Variants in RBPMS observed in about 807,000 individuals in gnomAD.
RBPMS encodes RNA-binding protein with multiple splicing.
Under a neutral mutation model 26.8 loss-of-function variants are expected in RBPMS, and 7 were observed. The observed-to-expected ratio is 0.26, with a 90% confidence interval of 0.15 to 0.49. The LOEUF is 0.49. Among genes scored for constraint, RBPMS ranks in the 20% least tolerant of loss-of-function variants. RBPMS has a pLI of 0.98. For missense variants in RBPMS, 186 were observed against 250.0 expected (o/e 0.74, Z 1.73); for synonymous variants, 96 against 93.3 (o/e 1.03, Z -0.17).
At chr8:30,493,202 C>A (rs1290437181) in intron 4 of RBPMS, among the ~76,000 whole-genome samples, 4 of 152,232 alleles carry the variant, frequency 2.6e-5, no homozygotes, top group African/African-American at 9.6e-5. Flanking sequence ...AGGTTTTCCC[C>A]AAATCACCCC....
chr8:30,548,309 T>G (rs920801436), intron 6 of RBPMS, among the ~76,000 whole-genome samples: 1 of 151,108 alleles, frequency 6.6e-6, no homozygotes, highest in African/African-American at 2.4e-5. Context: ...TTCAGTCTTG[T>G]TGTGATGGGC....
chr8:30,569,274 A>AG (rs917965643), intron 8 of RBPMS, among the ~76,000 whole-genome samples: 1 of 152,138 alleles, frequency 6.6e-6, no homozygotes, highest in African/African-American at 2.4e-5. Context: ...GTCTGAATGG[A>AG]GGGTTTGCAT....
At chr8:30,554,823 C>T (rs904840791) in intron 6 of RBPMS, among the ~76,000 whole-genome samples, 9 of 152,182 alleles carry the variant, frequency 5.9e-5, no homozygotes, top group Admixed American at 4.6e-4. Context: ...TTGAGCCAGT[C>T]ACCTGCTAAG....
chr8:30,545,488 T>A (rs1043224437), intron 6 of RBPMS: 15 of 968,010 alleles, frequency 1.5e-5, no homozygotes, highest in Non-Finnish European at 1.8e-5. Context: ...GTTTCATTTG[T>A]CTTTCTGCAT....
intron 4 of RBPMS, among the ~76,000 whole-genome samples, chr8:30,488,384 G>GA (rs1819019026): frequency 6.6e-6 from 1 of 152,168 alleles, no homozygotes; most frequent in African/African-American, 2.4e-5. Context: ...TATTCACTTA[G>GA]AAGTCAGATG....
At position 30,384,801 on chromosome 8, in the gene RBPMS, G is replaced by T; in HGVS notation, c.-292G>T. 1 of 285,556 alleles carries T rather than the reference G, an allele frequency of 3.5e-6. No individual in the cohort carries two copies. Among genetic ancestry groups the T allele is most frequent in the Non-Finnish European group, 6.5e-6 (1 of 154,854 alleles). The allele number at this position is 285,556 out of a possible 1,614,324, so 17.7% of individuals were successfully genotyped here. Reference sequence around the variant, plus strand: ...CCCTGGCTCCCGCCCTCCCTCTCCAGGTCGCCCTCCCGGGGCCCGATTGTC... The same window carrying T: ...CCCTGGCTCCCGCCCTCCCTCTCCATGTCGCCCTCCCGGGGCCCGATTGTC... On this transcript the variant is annotated 5_prime_UTR_variant, in exon 1 of 9. It adds an upstream start codon to the 5' untranslated region. Coordinates refer to ENST00000397323, the MANE Select transcript of RBPMS (RefSeq NM_001008710.3). This position sits in a 1 kb window ranked among gnomAD's most constrained non-coding sequence, Gnocchi z 5.6.
chr8:30,491,903 C>T (rs1819438831), intron 4 of RBPMS, among the ~76,000 whole-genome samples: 1 of 152,132 alleles, frequency 6.6e-6, no homozygotes, highest in Non-Finnish European at 1.5e-5. Context: ...ACCCCCACCC[C>T]TCCCCCAATG....
chr8:30,387,804 A>G (rs1004944710), intron 1 of RBPMS, among the ~76,000 whole-genome samples: 2 of 152,170 alleles, frequency 1.3e-5, no homozygotes, highest in African/African-American at 2.4e-5. Context: ...TCTATCAATC[A>G]GTGTATTTTA....
intron 1 of RBPMS, among the ~76,000 whole-genome samples, chr8:30,392,612 T>C (rs1232620835): frequency 1.3e-5 from 2 of 152,104 alleles, no homozygotes; most frequent in Non-Finnish European, 2.9e-5. Context: ...TGCAGTGAGG[T>C]TTCTGCTGCA....
intron 7 of RBPMS, among the ~76,000 whole-genome samples, chr8:30,562,464 C>T (rs1243416593): frequency 6.6e-6 from 1 of 152,104 alleles, no homozygotes; most frequent in Non-Finnish European, 1.5e-5. Flanking sequence ...ATAATGGTGC[C>T]CGTTACTCCT....
chr8:30,567,427 C>T (rs1475589741), intron 8 of RBPMS, among the ~76,000 whole-genome samples: 2 of 152,220 alleles, frequency 1.3e-5, no homozygotes, highest in African/African-American at 2.4e-5. Context: ...CTAACCCAAG[C>T]TTTTTTCACA....
chr8:30,438,942 T>A (rs532337260), intron 1 of RBPMS, among the ~76,000 whole-genome samples: 3 of 152,234 alleles, frequency 2.0e-5, no homozygotes, highest in East Asian at 3.9e-4. Flanking sequence ...CCCGGCTAAT[T>A]TTTGTATTTT....
chr8:30,436,150 G>T lies in RBPMS; in HGVS notation c.67-38629G>T, dbSNP rs542639075. Among the ~76,000 whole-genome samples, 58 of 152,256 alleles carry T rather than the reference G, an allele frequency of 3.8e-4. 1 individual carries two copies. The highest frequency in any genetic ancestry group is 5.1e-4 in the Non-Finnish European group (35 of 68,010). The stretch of plus-strand genomic sequence containing the variant: ...TGAAGAAAACAATTGTCTTTTCTCA[G>T]AGTAATGACATCAGCCTCCTCCTTT... On this transcript the variant is annotated intron_variant, in intron 1 of 8. Transcript: ENST00000397323.
intron 1 of RBPMS, among the ~76,000 whole-genome samples, chr8:30,468,328 C>T (rs1040938124): frequency 6.6e-6 from 1 of 151,814 alleles, no homozygotes; most frequent in African/African-American, 2.4e-5. Context: ...ATTTTTTTTG[C>T]ACTTTCTCTT....
chr8:30,490,381 C>A (rs963886168), intron 4 of RBPMS, among the ~76,000 whole-genome samples: 1 of 152,170 alleles, frequency 6.6e-6, no homozygotes, highest in Non-Finnish European at 1.5e-5. Context: ...ATCTCTGTTT[C>A]GAAGACCCAA....
intron 2 of RBPMS, among the ~76,000 whole-genome samples, chr8:30,476,959 G>C (rs1198301391): frequency 1.3e-5 from 2 of 152,116 alleles, no homozygotes; most frequent in Admixed American, 6.5e-5. Context: ...ATGAAAACTG[G>C]TTCCTTCAGT....
intron 6 of RBPMS, among the ~76,000 whole-genome samples, chr8:30,551,309 C>A (rs1826352616): frequency 6.6e-6 from 1 of 152,208 alleles, no homozygotes; most frequent in Admixed American, 6.5e-5. Context: ...CCAGGCCTCT[C>A]CATGTTGGGC....
At chr8:30,555,369 A>C (rs779122506) in intron 6 of RBPMS, among the ~76,000 whole-genome samples, 1 of 152,222 alleles carries the variant, frequency 6.6e-6, no homozygotes, top group East Asian at 1.9e-4. Context: ...CTAGTGGAGA[A>C]GATTCCCAGG....
At chr8:30,490,348 T>C (rs1819254645) in intron 4 of RBPMS, among the ~76,000 whole-genome samples, 1 of 152,224 alleles carries the variant, frequency 6.6e-6, no homozygotes. Context: ...TGCACATCTT[T>C]CTCCATTTCA....
Sources: gnomAD v4.1 joint callset for allele counts (sites outside exome capture counted in the v4.1 genomes callset) on GRCh38, gnomAD v4.1.1 for gene constraint, Gnocchi (gnomAD v3.1) non-coding constraint, MANE v1.5 for transcripts, NCBI Gene and HGNC (gene_info 2026-07-23, HGNC 2026-07-21) for gene names.